Variants in PRKG1 observed in about 807,000 individuals in gnomAD.
PRKG1 encodes the protein protein kinase cGMP-dependent 1.
PRKG1 carries 35 observed loss-of-function variants against 88.1 expected under a neutral mutation model. The observed-to-expected ratio is 0.40, with a 90% CI of 0.30 to 0.53. The LOEUF (loss-of-function observed/expected upper bound fraction) is 0.53. Among genes scored for constraint, PRKG1 ranks in the 20% least tolerant of loss-of-function variants. The pLI is 0.59. For synonymous variants in PRKG1, 303 were observed against 292.5 expected, an observed-to-expected ratio of 1.04 and a Z score of -0.37; for missense variants, 540 against 839.8, an observed-to-expected ratio of 0.64 and a Z score of 4.41.
At chr10:51,185,938 CAA>C (rs1209645243) in intron 2 of PRKG1, among the ~76,000 whole-genome samples, 4 of 151,372 alleles carry the variant, frequency 2.6e-5, no homozygotes, top group Non-Finnish European at 5.9e-5. Context: ...ATTATTTCAT[CAA>C]AGAGTATATG....
intron 7 of PRKG1, among the ~76,000 whole-genome samples, chr10:52,118,754 T>G (rs1442540490): frequency 6.6e-6 from 1 of 152,046 alleles, no homozygotes; most frequent in Non-Finnish European, 1.5e-5. Context: ...GTGAGTAAAA[T>G]TATACCATGG....
At chr10:51,276,743 G>T (rs1469898952) in intron 2 of PRKG1, among the ~76,000 whole-genome samples, 2 of 152,176 alleles carry the variant, frequency 1.3e-5, no homozygotes, top group East Asian at 1.9e-4. Context: ...TCATGTGTCT[G>T]TCGACTGCAT....
At chr10:51,079,503 AAAAG>A (rs1349875287) in intron 1 of PRKG1, among the ~76,000 whole-genome samples, 2 of 152,218 alleles carry the variant, frequency 1.3e-5, no homozygotes, top group African/African-American at 4.8e-5. Flanking sequence ...ACAGCACAGA[AAAAG>A]AAAGCAGGGC....
rs765554498 is a variant in PRKG1, at chr10:52,213,997, AAAATTT to A, written c.1077-37572_1077-37567del. 1.7e-3 allele frequency among the ~76,000 whole-genome samples: 259 copies of A among 152,344 alleles called. 1 individual carries two copies. The highest frequency in any genetic ancestry group is 5.7e-3 in the African/African-American group (239 of 41,580). The stretch of plus-strand genomic sequence containing the variant: ...TTAGAAAATAAAATGTATATGTTTC[AAAATTT>A]GATGAGCATTTACGATGTGGAATAA... On this transcript the variant is annotated intron_variant, in intron 9 of 17. Transcript: ENST00000373980.
chr10:51,538,260 C>G (rs571081530), intron 3 of PRKG1, among the ~76,000 whole-genome samples: 1 of 151,718 alleles, frequency 6.6e-6, no homozygotes, highest in African/African-American at 2.4e-5. Flanking sequence ...ATGTTCAGTA[C>G]AAAAGATACT....
chr10:51,734,580 A>G (rs984233424), intron 3 of PRKG1, among the ~76,000 whole-genome samples: 6 of 152,180 alleles, frequency 3.9e-5, no homozygotes, highest in African/African-American at 1.4e-4. Flanking sequence ...GTAAATGGAT[A>G]CTAAAAAGTT....
At chr10:51,770,143 C>T (rs1312982767) in intron 3 of PRKG1, among the ~76,000 whole-genome samples, 3 of 152,288 alleles carry the variant, frequency 2.0e-5, no homozygotes, top group Admixed American at 6.5e-5. Context: ...AGATATTATG[C>T]GTCCTCTAAG....
intron 2 of PRKG1, among the ~76,000 whole-genome samples, chr10:51,390,862 GATGGTGCTAAACATCCAACA>G (rs148971950): frequency 0.096 from 14,639 of 152,194 alleles, 943 homozygotes; most frequent in Non-Finnish European, 0.15. Flanking sequence ...AGAGGCCATG[GATGGTGCTAAACATCCAACA>G]ATGCACAGGA....
intron 4 of PRKG1, among the ~76,000 whole-genome samples, chr10:51,895,748 G>C (rs568285709): frequency 6.6e-6 from 1 of 152,174 alleles, no homozygotes; most frequent in Non-Finnish European, 1.5e-5. Context: ...TAGAAGATAA[G>C]GTGCTTCTTA....
chr10:51,898,725 G>A lies in PRKG1; in HGVS notation c.699-8782G>A, dbSNP rs1342601540. ...CTAACTACTCAGGAGGCTGAGGCAGGAGAATTGCTGGAGCCCAGAAGGTTA... is the reference window on the plus strand; with the variant it reads ...CTAACTACTCAGGAGGCTGAGGCAGAAGAATTGCTGGAGCCCAGAAGGTTA... On this transcript the variant is annotated intron_variant, in intron 4 of 17. Transcript: ENST00000373980. Among the ~76,000 whole-genome samples, 6 of 152,080 alleles carry A rather than the reference G, an allele frequency of 3.9e-5. No individual in the cohort carries two copies. In the South Asian group the frequency reaches 1.2e-3, roughly 32 times the overall value.
chr10:51,819,705 G>A (rs1839693060), intron 4 of PRKG1, among the ~76,000 whole-genome samples: 1 of 152,156 alleles, frequency 6.6e-6, no homozygotes, highest in African/African-American at 2.4e-5. Flanking sequence ...GAATGTTGGT[G>A]AAAGAGCCAG....
intron 3 of PRKG1, among the ~76,000 whole-genome samples, chr10:51,552,454 G>T (rs1837162568): frequency 6.6e-6 from 1 of 151,474 alleles, no homozygotes; most frequent in Non-Finnish European, 1.5e-5. Context: ...GTGAGTTCAG[G>T]CAGCTCTCTG....
At chr10:52,003,193 G>A (rs1351845476) in intron 5 of PRKG1, among the ~76,000 whole-genome samples, 1 of 152,204 alleles carries the variant, frequency 6.6e-6, no homozygotes, top group Non-Finnish European at 1.5e-5. Context: ...GATCTTGGCT[G>A]TGCCACTAAT....
intron 3 of PRKG1, among the ~76,000 whole-genome samples, chr10:51,492,305 T>A (rs987727516): frequency 1.3e-5 from 2 of 152,272 alleles, no homozygotes; most frequent in South Asian, 4.1e-4. Context: ...CTTTTTTCTT[T>A]CTTATTGAAG....
chr10:52,283,562 TG>T (rs1842047839), intron 14 of PRKG1, among the ~76,000 whole-genome samples: 1 of 152,178 alleles, frequency 6.6e-6, no homozygotes, highest in African/African-American at 2.4e-5. Context: ...TTTTTATTTA[TG>T]GGTATTTTAC....
chr10:52,198,420 A>G (rs1353982740), intron 9 of PRKG1, among the ~76,000 whole-genome samples: 1 of 152,226 alleles, frequency 6.6e-6, no homozygotes, highest in Non-Finnish European at 1.5e-5. Context: ...CTAACTCAAG[A>G]GAAAGGAAAA....
intron 3 of PRKG1, among the ~76,000 whole-genome samples, chr10:51,648,310 A>G (rs1589159330): frequency 6.6e-6 from 1 of 152,312 alleles, no homozygotes; most frequent in Admixed American, 6.5e-5. Context: ...TTCAAAGAAA[A>G]TCATGAATTT....
intron 5 of PRKG1, among the ~76,000 whole-genome samples, chr10:51,975,474 T>C (rs765019156): frequency 2.0e-5 from 3 of 152,156 alleles, no homozygotes; most frequent in African/African-American, 4.8e-5. Flanking sequence ...CATTGTATCA[T>C]GCTGGTTGTA....
chr10:51,410,238 ATGTG>A (rs762105037), intron 2 of PRKG1, among the ~76,000 whole-genome samples: 61 of 143,698 alleles, frequency 4.2e-4, no homozygotes, highest in African/African-American at 1.0e-3. Flanking sequence ...GTGTGTGTGT[ATGTG>A]TGTGTGTGTG....
Sources: allele counts gnomAD v4.1 joint callset (sites outside exome capture counted in the v4.1 genomes callset), GRCh38; gene constraint gnomAD v4.1.1; transcripts MANE v1.5; gene names NCBI Gene and HGNC (gene_info 2026-07-23, HGNC 2026-07-21).